Variants in PSMC6 observed in about 807,000 individuals in gnomAD.
PSMC6 encodes proteasome 26S subunit, ATPase 6.
In PSMC6, 3 loss-of-function variants were observed where a neutral mutation model predicts 55.9. The ratio of observed to expected loss-of-function variants is 0.05; its 90% CI spans 0.02 to 0.14. The LOEUF is 0.14. Among genes scored for constraint, PSMC6 ranks in the 10% least tolerant of loss-of-function variants. The pLI is 1.00. For missense variants in PSMC6, 210 were observed against 478.7 expected, an observed-to-expected ratio of 0.44 and a Z score of 5.24; for synonymous variants, 137 against 155.9, an observed-to-expected ratio of 0.88 and a Z score of 0.90.
chr14:52,726,886 T>C (rs1329650070), intron 13 of PSMC6, among the ~76,000 whole-genome samples: 1 of 152,078 alleles, frequency 6.6e-6, no homozygotes, highest in Non-Finnish European at 1.5e-5. Context: ...AGGTAATCCG[T>C]CCACCTTGGC....
chr14:52,710,037 T>G (rs2041750496), intron 4 of PSMC6: 1 of 153,192 alleles, frequency 6.5e-6, no homozygotes, highest in South Asian at 2.0e-4. Context: ...TTTGCCTATC[T>G]TCCTAAATTT....
At chr14:52,713,225 A>G (rs1156708605) in intron 6 of PSMC6, among the ~76,000 whole-genome samples, 2 of 151,910 alleles carry the variant, frequency 1.3e-5, no homozygotes, top group Non-Finnish European at 2.9e-5. Flanking sequence ...CTCTGTCTCA[A>G]AAAAAAAGAA....
rs1269359915 is a variant in PSMC6 at position 52,708,831 on chromosome 14, T to A, written c.258+15T>A. 1.9e-6 allele frequency: 3 copies of A among 1,613,060 alleles called. No individual in the cohort carries two copies. The highest frequency in any genetic ancestry group is 2.5e-6 in the Non-Finnish European group (3 of 1,179,660). ...GTCGTCGACAGGTAATACTTTATATTTGTATAGTGCCTGATGATTGACAAA... is the reference window on the plus strand; with the variant it reads ...GTCGTCGACAGGTAATACTTTATATATGTATAGTGCCTGATGATTGACAAA... On this transcript the variant is annotated intron_variant, in intron 4 of 13. Coordinates refer to ENST00000445930, the MANE Select transcript of PSMC6 (RefSeq NM_002806.5).
chr14:52,719,638 T>C (rs56194312), intron 10 of PSMC6, among the ~76,000 whole-genome samples: 2,122 of 152,314 alleles, frequency 0.014, 27 homozygotes, highest in South Asian at 0.021. Flanking sequence ...TCTTTCTCCT[T>C]AGAAGTATTT....
intron 9 of PSMC6, 114 bp from the exon 10 acceptor site, chr14:52,718,863 T>G: frequency 1.3e-6 from 1 of 792,282 alleles, no homozygotes; most frequent in Non-Finnish European, 2.1e-6. Flanking sequence ...TAATTCTTGC[T>G]CTTTAATTTT....
intron 7 of PSMC6, among the ~76,000 whole-genome samples, chr14:52,716,104 T>A (rs2041827769): frequency 6.6e-6 from 1 of 152,188 alleles, no homozygotes; most frequent in African/African-American, 2.4e-5. Context: ...ATCCAGTCAG[T>A]GCACAGGATA....
intron 4 of PSMC6, chr14:52,710,468 A>G (rs2041759197): frequency 3.3e-5 from 5 of 152,332 alleles, no homozygotes; most frequent in African/African-American, 1.2e-4. Flanking sequence ...TTGAAAAGTA[A>G]CAACATCCTG....
intron 7 of PSMC6, 140 bp downstream of exon 7, chr14:52,714,108 T>G (rs1252675314): frequency 2.0e-6 from 1 of 494,164 alleles, no homozygotes; most frequent in Non-Finnish European, 3.5e-6. Flanking sequence ...TGGCACAATC[T>G]GGGCTAACTG....
At chr14:52,707,447 G>A in intron 1 of PSMC6, 143 bp downstream of exon 1, 2 of 1,141,356 alleles carry the variant, frequency 1.8e-6, no homozygotes, top group Non-Finnish European at 2.4e-6. Context: ...TTGTCATCCG[G>A]CCCTGAGCTT....
rs1880504039 is a variant in PSMC6 at position 52,728,318 on chromosome 14, C to T, written c.*701C>T. The T allele has an allele frequency of 6.6e-6, 1 of 152,270 alleles. No individual in the cohort carries two copies. The highest frequency in any genetic ancestry group is 2.1e-4 in the South Asian group (1 of 4,830). 9.4% of individuals were successfully genotyped at this position (152,270 alleles called of 1,614,324 possible). On this transcript the variant is annotated 3_prime_UTR_variant, in exon 14 of 14. Coordinates refer to ENST00000445930, the MANE Select transcript of PSMC6 (RefSeq NM_002806.5). ...ATTTGCTAATATGTGACTGGGTTTT[C>T]TTGGTTTATGTAAGACGATAGGTCC...
In PSMC6 at chr14:52,718,234, A is replaced by C. The variant is rs757835831; in HGVS notation, c.597A>C (p.Val199=). Residue 199 remains valine, a synonymous_variant, in exon 9 of 14, where the codon GTA becomes GTC. Transcript: ENST00000445930. ...ACTGTTTTTCCTTTAATCAGGTTGT[A>C]TCTAGTTCTATTGTAGACAAGTACA... The part of the protein sequence containing the change: ...SQLDCNFLKV[V]SSSIVDKYIG... The C allele has an allele frequency of 6.2e-7, 1 of 1,611,456 alleles. No individual in the cohort carries two copies.
chr14:52,711,482 T>G lies in PSMC6; in HGVS notation c.399T>G (p.Ser133=), dbSNP rs1365938431. Residue 133 remains serine, a synonymous_variant, in exon 6 of 14, where the codon TCT becomes TCG. Transcript: ENST00000445930. ...SHEDPGNVSY[S]EIGGLSEQIR... is the part of the protein sequence containing the mutation. ...AGGACCCTGGGAATGTTTCTTATTCTGAGATTGGAGGGCTATCAGAACAGA... is the reference window on the plus strand; with the variant it reads ...AGGACCCTGGGAATGTTTCTTATTCGGAGATTGGAGGGCTATCAGAACAGA... The G allele has an allele frequency of 6.2e-7, 1 of 1,613,082 alleles. No individual in the cohort carries two copies. Among genetic ancestry groups the G allele is most frequent in the Admixed American group, 1.7e-5 (1 of 59,976 alleles).
intron 13 of PSMC6, among the ~76,000 whole-genome samples, chr14:52,724,581 G>A (rs1880328661): frequency 2.0e-5 from 3 of 152,176 alleles, no homozygotes; most frequent in Admixed American, 2.0e-4. Flanking sequence ...TCTGTGAGCA[G>A]TGTTTTGAAA....
At chr14:52,708,879 C>G in intron 4 of PSMC6, 63 bp downstream of exon 4, 1 of 1,595,622 alleles carries the variant, frequency 6.3e-7, no homozygotes, top group Middle Eastern at 1.7e-4. Flanking sequence ...AAGTTATTGT[C>G]TCTAATTCTT....
At chr14:52,711,344 T>C (rs1163959801) in intron 5 of PSMC6, 66 bp from the exon 6 acceptor site, 5 of 1,379,606 alleles carry the variant, frequency 3.6e-6, no homozygotes, top group Non-Finnish European at 5.1e-6. Context: ...AAGTTATTTA[T>C]ATGCTATCTG....
intron 9 of PSMC6, chr14:52,718,735 G>A (rs545115735): frequency 5.3e-5 from 24 of 454,460 alleles, no homozygotes; most frequent in East Asian, 1.6e-4. Context: ...GCAGTGAGCC[G>A]AGATCACACC....
chr14:52,719,053 A>G lies in PSMC6; in HGVS notation c.777+15A>G. ...CGTTAATGGAGGTAATATTTGGTAA[A>G]GGGGGTTTATAAAGAAACCAATGTT... On this transcript the variant is annotated intron_variant, in intron 10 of 13. Coordinates refer to ENST00000445930, the MANE Select transcript of PSMC6 (RefSeq NM_002806.5). 11 of 1,589,772 alleles carry G rather than the reference A, an allele frequency of 6.9e-6. 1 individual carries two copies. The highest frequency in any genetic ancestry group is 2.2e-5 in the South Asian group (2 of 90,134).
intron 6 of PSMC6, 68 bp downstream of exon 6, chr14:52,711,592 G>T: frequency 1.9e-6 from 2 of 1,040,754 alleles, no homozygotes; most frequent in Non-Finnish European, 2.8e-6. Context: ...ATTCTTAACA[G>T]GAGAAACAGG....
chr14:52,717,616 C>T (rs1216044243), intron 7 of PSMC6, among the ~76,000 whole-genome samples: 3 of 151,982 alleles, frequency 2.0e-5, no homozygotes, highest in African/African-American at 7.2e-5. Flanking sequence ...GCCACCACAC[C>T]TGGCCAAGTA....
Sources: gnomAD v4.1 joint callset for allele counts (sites outside exome capture counted in the v4.1 genomes callset) on GRCh38, gnomAD v4.1.1 for gene constraint, MANE v1.5 for transcripts, NCBI Gene and HGNC (gene_info 2026-07-23, HGNC 2026-07-21) for gene names.